Variants in MAGI2 observed in about 807,000 individuals in gnomAD.
The protein encoded by MAGI2 is membrane associated guanylate kinase, WW and PDZ domain containing 2, also known as membrane-associated guanylate kinase, WW and PDZ domain-containing protein 2.
MAGI2 carries 35 observed loss-of-function variants against 133.3 expected under a neutral mutation model. The observed-to-expected ratio is 0.26, with a 90% confidence interval of 0.20 to 0.35. MAGI2 has a LOEUF of 0.35. Among genes scored for constraint, MAGI2 ranks in the 10% least tolerant of loss-of-function variants. The probability of loss-of-function intolerance (pLI) is 1.00; values close to 1 mark genes in which losing one functional copy is unlikely to be tolerated. For missense variants in MAGI2, 1,636 were observed against 1,863.4 expected, an observed-to-expected ratio of 0.88 and a Z score of 2.25; for synonymous variants, 729 against 710.6, an observed-to-expected ratio of 1.03 and a Z score of -0.41.
At chr7:78,959,963 C>A (rs1165652388) in intron 2 of MAGI2, among the ~76,000 whole-genome samples, 1 of 152,064 alleles carries the variant, frequency 6.6e-6, no homozygotes, top group Non-Finnish European at 1.5e-5. Context: ...CAATATGTAA[C>A]ATGGCCTGCC....
At chr7:78,492,105 C>T (rs923056347) in intron 5 of MAGI2, among the ~76,000 whole-genome samples, 13 of 151,998 alleles carry the variant, frequency 8.6e-5, no homozygotes, top group African/African-American at 3.1e-4. Context: ...ATTAAGGGAA[C>T]ATTACTAAGC....
intron 2 of MAGI2, among the ~76,000 whole-genome samples, chr7:78,647,985 A>G (rs927425321): frequency 1.3e-5 from 2 of 152,098 alleles, no homozygotes; most frequent in African/African-American, 4.8e-5. Context: ...ATTACACTCC[A>G]GGGCCTGTTG....
chr7:79,394,256 CCTATG>C (rs1216016236), intron 1 of MAGI2, among the ~76,000 whole-genome samples: 2 of 152,086 alleles, frequency 1.3e-5, no homozygotes, highest in East Asian at 3.9e-4. Flanking sequence ...AACATGAGCC[CCTATG>C]CTTAGAGCCC....
At chr7:78,884,160 C>CA (rs1218295032) in intron 2 of MAGI2, among the ~76,000 whole-genome samples, 3 of 151,978 alleles carry the variant, frequency 2.0e-5, no homozygotes, top group African/African-American at 7.2e-5. Context: ...ACAAAACAAG[C>CA]AAAAAACCAA....
chr7:78,437,927 T>A (rs1282147331), intron 6 of MAGI2, among the ~76,000 whole-genome samples: 1 of 152,194 alleles, frequency 6.6e-6, no homozygotes, highest in Non-Finnish European at 1.5e-5. Flanking sequence ...TTCTTCCCCA[T>A]AATTCCTGAG....
rs141620050 is a variant in MAGI2, at chr7:79,245,663, C to T, written c.301+207357G>A. 4.1e-4 allele frequency among the ~76,000 whole-genome samples: 63 copies of T among 152,280 alleles called. 1 individual carries two copies. Among genetic ancestry groups the T allele is most frequent in the African/African-American group, 1.4e-3 (58 of 41,564 alleles). ...TAAGGTTTCTGACTCTAGGCCTTAA[C>T]TCCTAGATGGCATCTCTGGACCCAC... On this transcript the variant is annotated intron_variant, in intron 1 of 21. Transcript: ENST00000354212.
At chr7:79,075,785 G>C (rs1815411506) in intron 1 of MAGI2, among the ~76,000 whole-genome samples, 1 of 151,994 alleles carries the variant, frequency 6.6e-6, no homozygotes, top group African/African-American at 2.4e-5. Flanking sequence ...TAAAAATCTT[G>C]CCTCTAAACA....
intron 6 of MAGI2, among the ~76,000 whole-genome samples, chr7:78,468,254 G>A (rs1790840503): frequency 1.3e-5 from 2 of 152,046 alleles, no homozygotes. Context: ...CTGACACATA[G>A]TAGAGAAATA....
intron 2 of MAGI2, among the ~76,000 whole-genome samples, chr7:78,747,124 G>C (rs1489452186): frequency 6.6e-6 from 1 of 152,156 alleles, no homozygotes. Flanking sequence ...AAATTGGGCA[G>C]TTTTCCTAAT....
chr7:78,382,020 A>G (rs1448164185), intron 6 of MAGI2, among the ~76,000 whole-genome samples: 1 of 152,232 alleles, frequency 6.6e-6, no homozygotes, highest in Non-Finnish European at 1.5e-5. Context: ...TTATTTTAAT[A>G]GCAAATCATG....
chr7:79,023,406 T>C (rs1215873263), intron 1 of MAGI2, among the ~76,000 whole-genome samples: 1 of 152,132 alleles, frequency 6.6e-6, no homozygotes, highest in African/African-American at 2.4e-5. Flanking sequence ...CTGGAAGAAT[T>C]CTCCTTGAAA....
At chr7:78,661,842 A>G (rs1438624937) in intron 2 of MAGI2, among the ~76,000 whole-genome samples, 2 of 152,224 alleles carry the variant, frequency 1.3e-5, no homozygotes, top group Admixed American at 6.5e-5. Context: ...ACTCAGAGTG[A>G]GTCAAAAATA....
At chr7:78,711,068 T>A (rs910123259) in intron 2 of MAGI2, among the ~76,000 whole-genome samples, 3 of 152,168 alleles carry the variant, frequency 2.0e-5, no homozygotes, top group African/African-American at 7.2e-5. Flanking sequence ...TGTAAGGACT[T>A]TGCAATATTC....
chr7:78,540,194 C>G lies in MAGI2; in HGVS notation c.539-18549G>C, dbSNP rs1798295778. ...GCTACTAGGGTGGGTAGAGAAAGACCATCAGGTAGGGGCAGGGTTAGGCCT... is the reference window on the plus strand; with the variant it reads ...GCTACTAGGGTGGGTAGAGAAAGACGATCAGGTAGGGGCAGGGTTAGGCCT... On this transcript the variant is annotated intron_variant, in intron 3 of 21. Coordinates refer to ENST00000354212, the MANE Select transcript of MAGI2 (RefSeq NM_012301.4). Among the ~76,000 whole-genome samples, 4 of 152,144 alleles carry G rather than the reference C, an allele frequency of 2.6e-5. No homozygotes were observed. The South Asian group carries it at 8.3e-4, about 31-fold the overall frequency.
intron 1 of MAGI2, among the ~76,000 whole-genome samples, chr7:79,110,518 G>A (rs969800308): frequency 3.9e-5 from 6 of 152,212 alleles, no homozygotes; most frequent in African/African-American, 1.4e-4. Flanking sequence ...GAATGGGAAT[G>A]TTTACCCAAT....
chr7:78,107,477 G>C (rs1444661838), intron 20 of MAGI2, among the ~76,000 whole-genome samples: 2 of 152,068 alleles, frequency 1.3e-5, no homozygotes, highest in African/African-American at 4.8e-5. Flanking sequence ...TCCAATCTAT[G>C]AACATAAAAC....
intron 2 of MAGI2, among the ~76,000 whole-genome samples, chr7:78,890,749 G>A (rs1796675640): frequency 6.6e-6 from 1 of 152,184 alleles, no homozygotes; most frequent in Non-Finnish European, 1.5e-5. Flanking sequence ...GAAATTTATA[G>A]CACTAAATTC....
intron 2 of MAGI2, among the ~76,000 whole-genome samples, chr7:78,803,245 A>G (rs987512664): frequency 1.3e-5 from 2 of 152,200 alleles, no homozygotes; most frequent in Admixed American, 1.3e-4. Context: ...ATAAAGTGTT[A>G]ACTGCTAATA....
chr7:78,627,667 T>C lies in MAGI2; in HGVS notation c.419-428A>G, dbSNP rs181975916. Among the ~76,000 whole-genome samples the C allele has an allele frequency of 7.9e-5, 12 of 152,264 alleles. No individual in the cohort carries two copies. The East Asian group carries it at 2.1e-3, about 27-fold the overall frequency. On this transcript the variant is annotated intron_variant, in intron 2 of 21. Coordinates refer to ENST00000354212, the MANE Select transcript of MAGI2 (RefSeq NM_012301.4). ...ATGGAAAGTAGCGATCTTAGGAAAA[T>C]GTCAATTTATCTTTTTAATTTCATA... is the stretch of plus-strand genomic sequence containing the variant.
Sources: allele counts gnomAD v4.1 joint callset (sites outside exome capture counted in the v4.1 genomes callset), GRCh38; gene constraint gnomAD v4.1.1; transcripts MANE v1.5; gene names NCBI Gene and HGNC (gene_info 2026-07-23, HGNC 2026-07-21).